The following NEDD4L variants were observed in gnomAD, a reference collection of about 807,000 sequenced individuals.
The protein encoded by NEDD4L is E3 ubiquitin-protein ligase NEDD4-like.
Under a neutral mutation model 148.9 loss-of-function variants are expected in NEDD4L, and 54 were observed. The ratio of observed to expected loss-of-function variants is 0.36; its 90% CI spans 0.29 to 0.45. The LOEUF (loss-of-function observed/expected upper bound fraction) is 0.45, where lower values mean the gene tolerates loss of function less well. NEDD4L is among the 20% of genes least tolerant of loss of function. The pLI is 1.00. For synonymous variants in NEDD4L, 433 were observed against 440.7 expected (o/e 0.98, Z 0.22); for missense variants, 856 against 1,233.8 (o/e 0.69, Z 4.59).
chr18:58,144,051 A>G (rs1188671645), intron 1 of NEDD4L, among the ~76,000 whole-genome samples: 1 of 151,988 alleles, frequency 6.6e-6, no homozygotes, highest in Non-Finnish European at 1.5e-5. Flanking sequence ...TTCTTTGGCC[A>G]AGACAGAAAA....
chr18:58,063,949 CTTTTTTTTTTTTTTTT>C (rs58608106), intron 1 of NEDD4L, among the ~76,000 whole-genome samples: 4,970 of 129,580 alleles, frequency 0.038, 271 homozygotes, highest in African/African-American at 0.15. Flanking sequence ...TATAATGTTT[CTTTTTTTTTTTTTTTT>C]TTTTTTTTTT....
intron 8 of NEDD4L, among the ~76,000 whole-genome samples, chr18:58,324,401 C>T (rs2059124859): frequency 6.6e-6 from 1 of 152,170 alleles, no homozygotes; most frequent in Admixed American, 6.5e-5. Flanking sequence ...GAGTAGAAGG[C>T]AGCAGCTTCC....
intron 2 of NEDD4L, among the ~76,000 whole-genome samples, chr18:58,245,207 T>C (rs1334141132): frequency 6.6e-6 from 1 of 152,252 alleles, no homozygotes; most frequent in Non-Finnish European, 1.5e-5. Context: ...AAATTATATA[T>C]ATTTTTAGCT....
chr18:58,151,623 A>ATGTGTGTG (rs1491376739), intron 1 of NEDD4L, among the ~76,000 whole-genome samples: 2,696 of 56,584 alleles, frequency 0.048, 90 homozygotes, highest in African/African-American at 0.17. Flanking sequence ...CTGTGCCTGG[A>ATGTGTGTG]TATGTGTGTG....
rs539253045 is a variant in NEDD4L, at chr18:58,366,304, G to C, written c.2063+76G>C. The C allele has an allele frequency of 1.3e-4, 141 of 1,102,320 alleles. No individual in the cohort carries two copies. Among genetic ancestry groups the C allele is most frequent in the Non-Finnish European group, 1.7e-4 (132 of 781,456 alleles). The allele number at this position is 1,102,320 out of a possible 1,614,324, so 68.3% of individuals were successfully genotyped here. A position where few individuals can be genotyped will look rare whatever the true frequency, so the allele number is the denominator to read the frequency against. On this transcript the variant is annotated intron_variant, in intron 21 of 30. Coordinates refer to ENST00000400345, the MANE Select transcript of NEDD4L (RefSeq NM_001144967.3). This position sits in a 1 kb window ranked among gnomAD's most constrained non-coding sequence, Gnocchi z 4.2. ...GAATTTAAACAGAATGAAAGGATAA[G>C]CAGCTCATGAGTTCGAGATGCATTA...
At chr18:58,207,209 C>T (rs513563) in intron 2 of NEDD4L, among the ~76,000 whole-genome samples, 81,440 of 151,996 alleles carry the variant, frequency 0.54, 23,303 homozygotes, top group Non-Finnish European at 0.64. Context: ...CTGTATATCA[C>T]GGAACTTTGG....
intron 1 of NEDD4L, among the ~76,000 whole-genome samples, chr18:58,063,149 G>A (rs945915941): frequency 5.6e-4 from 80 of 143,052 alleles, no homozygotes; most frequent in Non-Finnish European, 1.0e-3. Flanking sequence ...AAGTCCACAC[G>A]ATCCTCCTAC....
At chr18:58,237,433 A>G (rs1384640198) in intron 2 of NEDD4L, among the ~76,000 whole-genome samples, 1 of 152,226 alleles carries the variant, frequency 6.6e-6, no homozygotes, top group African/African-American at 2.4e-5. Flanking sequence ...GTAGTTGCAC[A>G]TATATGGGGA....
chr18:58,182,169 T>C (rs1447978431), intron 2 of NEDD4L, among the ~76,000 whole-genome samples: 2 of 152,162 alleles, frequency 1.3e-5, no homozygotes, highest in African/African-American at 4.8e-5. Context: ...CCTGGGCAGA[T>C]TGCCTAAGTG....
Position 58,256,355 on chromosome 18 carries a change from A to G in NEDD4L, c.297+4301A>G. 1 of 1,232,168 alleles carries G rather than the reference A, an allele frequency of 8.1e-7. No individual in the cohort carries two copies. 76.3% of individuals were successfully genotyped at this position (1,232,168 alleles called of 1,614,324 possible). ...TCCAGATGCTTCTGGAAGCTCTGGG[A>G]AGCGGTGTTTTGTCTTCCAGTTGCA... On this transcript the variant is annotated intron_variant, in intron 5 of 30. Coordinates refer to ENST00000400345, the MANE Select transcript of NEDD4L (RefSeq NM_001144967.3). The surrounding 1 kb of genome is among the most constrained non-coding windows in gnomAD (Gnocchi z 5.2).
At chr18:58,235,259 C>T (rs766426812) in intron 2 of NEDD4L, among the ~76,000 whole-genome samples, 2 of 152,158 alleles carry the variant, frequency 1.3e-5, no homozygotes, top group Non-Finnish European at 1.5e-5. Context: ...GGCCCACTCT[C>T]GGTGTGGCAC....
intron 2 of NEDD4L, among the ~76,000 whole-genome samples, chr18:58,176,615 G>T (rs939968754): frequency 2.6e-5 from 4 of 152,208 alleles, no homozygotes; most frequent in African/African-American, 9.7e-5. Context: ...AATTACAGGT[G>T]CAAACCACTG....
chr18:58,056,894 CTT>C (rs74183230), intron 1 of NEDD4L, among the ~76,000 whole-genome samples: 4,383 of 121,598 alleles, frequency 0.036, 113 homozygotes, highest in African/African-American at 0.076. Context: ...GCTATGCCCT[CTT>C]TTTTTTTTTT....
At chr18:58,106,652 G>A (rs550686910) in intron 1 of NEDD4L, among the ~76,000 whole-genome samples, 108 of 152,290 alleles carry the variant, frequency 7.1e-4, no homozygotes, top group African/African-American at 2.6e-3. Context: ...ATGATTTAAA[G>A]TATGCAGAGT....
intron 2 of NEDD4L, among the ~76,000 whole-genome samples, chr18:58,201,637 A>G (rs1202046301): frequency 6.6e-6 from 1 of 152,198 alleles, no homozygotes; most frequent in African/African-American, 2.4e-5. Context: ...GTTTATGTTT[A>G]TGTTCTTATT....
intron 1 of NEDD4L, among the ~76,000 whole-genome samples, chr18:58,131,803 G>GT (rs546034382): frequency 5.5e-4 from 83 of 152,228 alleles, no homozygotes; most frequent in Non-Finnish European, 9.7e-4. Flanking sequence ...TGGATTTTGT[G>GT]TTTTTTTGTG....
At chr18:58,300,301 T>C (rs1433823848) in intron 5 of NEDD4L, among the ~76,000 whole-genome samples, 1 of 152,218 alleles carries the variant, frequency 6.6e-6, no homozygotes, top group Non-Finnish European at 1.5e-5. Context: ...TTAAAATTAA[T>C]TGTGTGATGC....
intron 1 of NEDD4L, among the ~76,000 whole-genome samples, chr18:58,054,179 A>G (rs930229143): frequency 6.6e-6 from 1 of 152,224 alleles, no homozygotes; most frequent in Non-Finnish European, 1.5e-5. Flanking sequence ...CTTAGTAAGC[A>G]CTCAGTACTA....
At chr18:58,117,305 G>A (rs146057174) in intron 1 of NEDD4L, among the ~76,000 whole-genome samples, 1 of 152,302 alleles carries the variant, frequency 6.6e-6, no homozygotes. Flanking sequence ...AATAATTTAT[G>A]TTCAAGATAA....
Sources: gnomAD v4.1 joint callset for allele counts (sites outside exome capture counted in the v4.1 genomes callset) on GRCh38, gnomAD v4.1.1 for gene constraint, Gnocchi (gnomAD v3.1) non-coding constraint, MANE v1.5 for transcripts, NCBI Gene and HGNC (gene_info 2026-07-23, HGNC 2026-07-21) for gene names.